HYI: variants seen among roughly 807,000 people sequenced by gnomAD.
The protein encoded by HYI is putative hydroxypyruvate isomerase.
A neutral mutation model predicts 39.7 loss-of-function variants in HYI; 47 were observed. That is an observed-to-expected ratio of 1.18 (90% CI 0.94 to 1.51). HYI has a LOEUF of 1.51. Ranked by LOEUF, HYI falls within the 40% of genes most tolerant of loss-of-function variation. HYI has a pLI of 0.00. For synonymous variants in HYI, 186 were observed against 158.8 expected (o/e 1.17, Z -1.29); for missense variants, 465 against 370.3 (o/e 1.26, Z -2.10).
Position 43,451,323 on chromosome 1 carries a change from G to A in HYI, c.761-12C>T, listed in dbSNP as rs1168667927. On this transcript the variant is annotated splice_polypyrimidine_tract_variant and intron_variant, in intron 7 of 7. Coordinates refer to ENST00000372430, the MANE Select transcript of HYI (RefSeq NM_001190880.3). ...CTCTACTGTGTCTCCTGCAGGGAGA[G>A]GGAGGCCTCGGCACCTCAGCCCACA... The A allele has an allele frequency of 6.2e-7, 1 of 1,613,392 alleles. No individual in the cohort carries two copies. Among genetic ancestry groups the A allele is most frequent in the Admixed American group, 1.7e-5 (1 of 60,022 alleles).
chr1:43,453,273 A>T, intron 2 of HYI, 113 bp downstream of exon 2: 1 of 715,154 alleles, frequency 1.4e-6, no homozygotes, highest in Non-Finnish European at 2.3e-6. Flanking sequence ...GCAGAGGCAG[A>T]GATAAACCAG....
chr1:43,453,918 T>C lies in HYI; in HGVS notation c.-125A>G. On this transcript the variant is annotated 5_prime_UTR_variant, in exon 1 of 8. Transcript: ENST00000372430. ...GCGAACGAACGAGCACTGTTCGTGG[T>C]TAGAAAAGCGAAGTGCTGTAAAAAC... 8.3e-6 allele frequency: 10 copies of C among 1,208,656 alleles called. No individual in the cohort carries two copies. The South Asian group carries it at 3.3e-4, about 39-fold the overall frequency. The allele number at this position is 1,208,656 out of a possible 1,614,324, so 74.9% of individuals were successfully genotyped here.
chr1:43,452,422 C>T (rs1455731989), intron 2 of HYI, 103 bp from the exon 3 acceptor site: 1 of 881,218 alleles, frequency 1.1e-6, no homozygotes, highest in Admixed American at 2.0e-5. Context: ...CCCAGGTCTC[C>T]AGTCCATGGC....
rs1557612187 is a variant in HYI at position 43,451,117 on chromosome 1, CTA to C, written c.*119_*120del. 5.1e-6 allele frequency: 5 copies of C among 974,582 alleles called. No homozygotes were observed. Among genetic ancestry groups the C allele is most frequent in the Non-Finnish European group, 6.6e-6 (4 of 604,810 alleles). 60.4% of individuals were successfully genotyped at this position (974,582 alleles called of 1,614,324 possible). A position where few individuals can be genotyped will look rare whatever the true frequency, so the allele number is the denominator to read the frequency against. ...AGCAGAGAAACTGAAGTGTTAGACA[CTA>C]TGTGTCCCACCACCCCATTACAGAG... On this transcript the variant is annotated 3_prime_UTR_variant, in exon 8 of 8. Coordinates refer to ENST00000372430, the MANE Select transcript of HYI (RefSeq NM_001190880.3).
At chr1:43,452,411 C>T in intron 2 of HYI, 92 bp from the exon 3 acceptor site, 1 of 992,176 alleles carries the variant, frequency 1.0e-6, no homozygotes, top group Non-Finnish European at 1.6e-6. Context: ...TCGTCCGTCT[C>T]CCCAGGTCTC....
chr1:43,450,777 G>A (rs574760853), downstream of HYI: 31 of 707,400 alleles, frequency 4.4e-5, no homozygotes, highest in Non-Finnish European at 6.3e-5. The surrounding 1 kb of genome is among the most constrained non-coding windows in gnomAD (Gnocchi z 4.3). Context: ...GTAGAGTCTC[G>A]GGAGTTCACA....
intron 2 of HYI, chr1:43,452,596 C>T (rs1379042742): frequency 1.5e-5 from 9 of 599,258 alleles, no homozygotes; most frequent in African/African-American, 9.3e-5. Context: ...AACCTGTAAC[C>T]TGCTAAATTC....
chr1:43,453,448 C>T lies in HYI; in HGVS notation c.249G>A (p.Gln83=). 2 of 1,564,710 alleles carry T rather than the reference C, an allele frequency of 1.3e-6. No homozygotes were observed. Among genetic ancestry groups the T allele is most frequent in the Non-Finnish European group, 1.7e-6 (2 of 1,153,470 alleles). Residue 83 remains glutamine, a synonymous_variant, in exon 2 of 8, where the codon CAG becomes CAA. Transcript: ENST00000372430. ...EMGLGAVPGR[Q]AAFREGLEQA... Reference sequence around the variant, plus strand: ...GCTCCAGTCCCTCTCGGAAGGCCGCCTGTCTCCCGGGGACGGCCCCCAGCC... The same window carrying T: ...GCTCCAGTCCCTCTCGGAAGGCCGCTTGTCTCCCGGGGACGGCCCCCAGCC...
At position 43,453,867 on chromosome 1, in the gene HYI, G is replaced by GCGGGCGGC; in HGVS notation, c.-75_-74insGCCGCCCG. On this transcript the variant is annotated 5_prime_UTR_variant, in exon 1 of 8. Coordinates refer to ENST00000372430, the MANE Select transcript of HYI (RefSeq NM_001190880.3). ...GGCGGCGGGCGGCGGGCGGCGGGCG[G>GCGGGCGGC]GGGCGGGGCTCTCCTTGCTGGCCCT... 7 of 1,226,840 alleles carry GCGGGCGGC rather than the reference G, an allele frequency of 5.7e-6. No homozygotes were observed. Among genetic ancestry groups the GCGGGCGGC allele is most frequent in the African/African-American group, 3.2e-5 (2 of 62,426 alleles). The allele number at this position is 1,226,840 out of a possible 1,614,324, so 76.0% of individuals were successfully genotyped here. A position where few individuals can be genotyped will look rare whatever the true frequency, so the allele number is the denominator to read the frequency against.
chr1:43,453,364 G>T, intron 2 of HYI, 22 bp downstream of exon 2: 1 of 1,478,980 alleles, frequency 6.8e-7, no homozygotes. Context: ...CACAGGGGTG[G>T]GGGTGGGGTG....
At chr1:43,452,839 G>C in intron 2 of HYI, 2 of 1,520,314 alleles carry the variant, frequency 1.3e-6, no homozygotes, top group Non-Finnish European at 1.8e-6. Flanking sequence ...ATCATCCCCT[G>C]ATCTTAGCCA....
In HYI at chr1:43,451,847, G is replaced by A. The variant is rs201415941; in HGVS notation, c.506C>T (p.Ala169Val). 6.1e-5 allele frequency: 99 copies of A among 1,613,860 alleles called. 1 individual carries two copies. The highest frequency in any genetic ancestry group is 1.7e-4 in the Admixed American group (10 of 59,972). ...TCCTACCTTCTGTAAGATGGCTGCC[G>A]CTGTAAGAGAAGCCAGGGAGGGGAC... is the stretch of plus-strand genomic sequence containing the variant. ...PQYFLDTPQQ[A>V]AAILQKVGRP... is the part of the protein sequence containing the mutation. The change falls in exon 5 of 8, where the codon GCG becomes GTG. Residue 169 changes from alanine (A) to valine (V), a missense_variant and splice_region_variant. Transcript: ENST00000372430.
intron 2 of HYI, 41 bp downstream of exon 2, chr1:43,453,345 G>T: frequency 7.5e-7 from 1 of 1,329,392 alleles, no homozygotes; most frequent in Non-Finnish European, 1.0e-6. Flanking sequence ...CTGCATCAGG[G>T]TCATGGGTCA....
chr1:43,452,126 G>T (rs41270371), intron 3 of HYI, 79 bp downstream of exon 3: 3 of 1,486,230 alleles, frequency 2.0e-6, no homozygotes, highest in South Asian at 1.2e-5. Context: ...GCAGCCTCAC[G>T]TGCTGTCCCC....
chr1:43,451,116 A>G lies in HYI; in HGVS notation c.*122T>C, dbSNP rs771907836. The G allele has an allele frequency of 4.1e-6, 4 of 968,092 alleles. No individual in the cohort carries two copies. The African/African-American group carries it at 4.8e-5, about 12-fold the overall frequency. The allele number at this position is 968,092 out of a possible 1,614,324, so 60.0% of individuals were successfully genotyped here. On this transcript the variant is annotated 3_prime_UTR_variant, in exon 8 of 8. Transcript: ENST00000372430. ...CAGCAGAGAAACTGAAGTGTTAGAC[A>G]CTATGTGTCCCACCACCCCATTACA...
chr1:43,451,391 C>T lies in HYI; in HGVS notation c.760+19G>A. ...GTCCGGGTCCCTCCAGAGCTCCCTT[C>T]CCCAGGGCCACGCCTCACCTCGAGG... On this transcript the variant is annotated intron_variant, in intron 7 of 7. Coordinates refer to ENST00000372430, the MANE Select transcript of HYI (RefSeq NM_001190880.3). The T allele has an allele frequency of 6.2e-7, 1 of 1,611,974 alleles. No individual in the cohort carries two copies. Among genetic ancestry groups the T allele is most frequent in the Non-Finnish European group, 8.5e-7 (1 of 1,180,018 alleles).
rs140591186 is a variant in HYI, at chr1:43,452,275, A to G, written c.356T>C (p.Ile119Thr). ...GGCCTCCATCTCAGCCTTGACTGCT[A>G]TTCGATCAGCTCCCTGGGGTACTCG... ...AGRVPQGADR[I>T]AVKAEMEAVF... Residue 119 changes from isoleucine (I) to threonine (T), a missense_variant, in exon 3 of 8, where the codon ATA becomes ACA. By Grantham distance (89) the Ile-to-Thr change is moderately conservative (BLOSUM62 -1). Coordinates refer to ENST00000372430, the MANE Select transcript of HYI (RefSeq NM_001190880.3). The G allele has an allele frequency of 3.7e-6, 6 of 1,613,974 alleles. No individual in the cohort carries two copies. The highest frequency in any genetic ancestry group is 2.7e-5 in the African/African-American group (2 of 74,922).
At position 43,451,163 on chromosome 1, in the gene HYI, C is replaced by T; in HGVS notation, c.*75G>A. 7.5e-7 allele frequency: 1 copy of T among 1,325,024 alleles called. No individual in the cohort carries two copies. The highest frequency in any genetic ancestry group is 1.4e-5 in the African/African-American group (1 of 69,382). 82.1% of individuals were successfully genotyped at this position (1,325,024 alleles called of 1,614,324 possible). On this transcript the variant is annotated 3_prime_UTR_variant, in exon 8 of 8. Coordinates refer to ENST00000372430, the MANE Select transcript of HYI (RefSeq NM_001190880.3). ...TACAGAGACATATGACAATGTTCAGCAGGTCATCTTTAATGCAGAGGAGGA... is the reference window on the plus strand; with the variant it reads ...TACAGAGACATATGACAATGTTCAGTAGGTCATCTTTAATGCAGAGGAGGA...
chr1:43,451,719 T>C lies in HYI; in HGVS notation c.556-2A>G. The C allele has an allele frequency of 6.2e-7, 1 of 1,614,064 alleles. No homozygotes were observed. The highest frequency in any genetic ancestry group is 8.5e-7 in the Non-Finnish European group (1 of 1,179,956). On this transcript the variant is annotated splice_acceptor_variant, in intron 5 of 7. Transcript: ENST00000372430. LOFTEE classifies it high-confidence loss of function. Reference sequence around the variant, plus strand: ...CATGATCTGCCAGTGGAATATGTCCTAGGGAAGAGGATACTACATTCCGAG... The same window carrying C: ...CATGATCTGCCAGTGGAATATGTCCCAGGGAAGAGGATACTACATTCCGAG...
Sources: allele counts gnomAD v4.1 joint callset, GRCh38; gene constraint gnomAD v4.1.1; non-coding constraint Gnocchi (gnomAD v3.1); transcripts MANE v1.5; gene names NCBI Gene and HGNC (gene_info 2026-07-23, HGNC 2026-07-21).